Variants in NCOR2 observed in about 807,000 individuals in gnomAD.
NCOR2 encodes the protein CTG repeat protein 26.
NCOR2 carries 81 observed loss-of-function variants against 262.9 expected under a neutral mutation model. The ratio of observed to expected loss-of-function variants is 0.31; its 90% CI spans 0.26 to 0.37. The LOEUF (loss-of-function observed/expected upper bound fraction) is 0.37. Ranked by LOEUF, NCOR2 falls within the 10% of genes least tolerant of loss-of-function variation. The pLI, the probability that NCOR2 is intolerant of heterozygous loss-of-function variation, is 1.00. For missense variants in NCOR2, 3,385 were observed against 3,621.4 expected, an observed-to-expected ratio of 0.93 and a Z score of 1.68; for synonymous variants, 1,659 against 1,559.3, an observed-to-expected ratio of 1.06 and a Z score of -1.51.
In NCOR2 at chr12:124,428,550, CAT is replaced by C. The variant is rs558370505; in HGVS notation, c.1149+1061_1149+1062del. 1.3e-3 allele frequency among the ~76,000 whole-genome samples: 202 copies of C among 152,282 alleles called. 2 individuals are homozygous for C. The highest frequency in any genetic ancestry group is 4.7e-3 in the African/African-American group (194 of 41,556). ...GCCGCCCCCTCCCTGGGGCCCCTTC[CAT>C]CTGTCTAATCTGAGCATCAGCATCG... On this transcript the variant is annotated intron_variant, in intron 10 of 46. Transcript: ENST00000405201.
At position 124,566,244 on chromosome 12, in the gene NCOR2, G is replaced by A. The variant is rs888012487; in HGVS notation, c.-165+1064C>T. On this transcript the variant is annotated intron_variant, in intron 1 of 32. Coordinates refer to the NCOR2 transcript ENST00000458234. The surrounding 1 kb of genome is among the most constrained non-coding windows in gnomAD (Gnocchi z 4.3). ...AGGAGGAGGGGGAGGAAGGGAGGAG[G>A]CTGAGCCGACAGAACAGATCCGCCC... Among the ~76,000 whole-genome samples, 1 of 152,204 alleles carries A rather than the reference G, an allele frequency of 6.6e-6. No homozygotes were observed.
chr12:124,416,712 A>C lies in NCOR2; in HGVS notation c.1482+3245T>G, dbSNP rs3825117. On this transcript the variant is annotated intron_variant, in intron 13 of 46. Transcript: ENST00000405201. ...AGGGAGTCCCCGCGGCACAGATAGA[A>C]CCCGCGGCACAGGGAGTCCCCGCGG... Among the ~76,000 whole-genome samples, 315 of 131,300 alleles carry C rather than the reference A, an allele frequency of 2.4e-3. 12 individuals are homozygous for C. The East Asian group carries it at 0.043, about 18-fold the overall frequency. 86.1% of individuals were successfully genotyped at this position (131,300 alleles called of 152,430 possible).
At chr12:124,327,335 G>A (rs1360139322) in intron 45 of NCOR2, 74 bp downstream of exon 47, 1 of 1,195,878 alleles carries the variant, frequency 8.4e-7, no homozygotes, top group Non-Finnish European at 1.2e-6. Flanking sequence ...GTTGTCAGAG[G>A]AGCGCGGAGG....
At chr12:124,410,694 C>T (rs1055047792) in intron 13 of NCOR2, among the ~76,000 whole-genome samples, 5 of 152,184 alleles carry the variant, frequency 3.3e-5, no homozygotes, top group Admixed American at 1.3e-4. Flanking sequence ...CCACCGGTCC[C>T]CACCATCAAG....
At chr12:124,464,999 C>G (rs1436033997) in intron 5 of NCOR2, among the ~76,000 whole-genome samples, 1 of 152,202 alleles carries the variant, frequency 6.6e-6, no homozygotes, top group Non-Finnish European at 1.5e-5. Context: ...ATCGCTGTTT[C>G]TAGAGGTGGA....
intron 1 of NCOR2, among the ~76,000 whole-genome samples, chr12:124,526,787 C>T (rs1407965949): frequency 6.6e-6 from 1 of 152,152 alleles, no homozygotes; most frequent in East Asian, 1.9e-4. Context: ...GAGGTGGCCC[C>T]CGCTCCCCAA....
intron 11 of NCOR2, among the ~76,000 whole-genome samples, chr12:124,423,307 G>A (rs932144665): frequency 2.0e-5 from 3 of 152,216 alleles, no homozygotes; most frequent in South Asian, 2.1e-4. Context: ...TCCCGGCGAC[G>A]TGCCACAGCC....
At position 124,457,044 on chromosome 12, in the gene NCOR2, C is replaced by A; in HGVS notation, c.762+62G>T. On this transcript the variant is annotated intron_variant, in intron 6 of 46. Transcript: ENST00000405201. The surrounding 1 kb of genome is among the most constrained non-coding windows in gnomAD (Gnocchi z 4.0). ...TCCTCCGCCGCACCCTCCCGCCTCCCTGCCCACCTCTCCAGCCACCCCCGC... is the reference window on the plus strand; with the variant it reads ...TCCTCCGCCGCACCCTCCCGCCTCCATGCCCACCTCTCCAGCCACCCCCGC... 1 of 1,051,784 alleles carries A rather than the reference C, an allele frequency of 9.5e-7. No homozygotes were observed. Among genetic ancestry groups the A allele is most frequent in the South Asian group, 1.6e-5 (1 of 62,554 alleles). The allele number at this position is 1,051,784 out of a possible 1,614,324, so 65.2% of individuals were successfully genotyped here. A position where few individuals can be genotyped will look rare whatever the true frequency, so the allele number is the denominator to read the frequency against.
chr12:124,552,678 G>A (rs994315787), intron 1 of NCOR2, among the ~76,000 whole-genome samples: 13 of 152,118 alleles, frequency 8.5e-5, no homozygotes, highest in African/African-American at 2.2e-4. Flanking sequence ...AAGTTTTTTC[G>A]GGGGGGTTAG....
chr12:124,551,745 AG>A (rs2051719944), intron 1 of NCOR2, among the ~76,000 whole-genome samples: 1 of 152,176 alleles, frequency 6.6e-6, no homozygotes, highest in Non-Finnish European at 1.5e-5. Context: ...TGCAGGCTTC[AG>A]GTTTCTGCAT....
chr12:124,499,414 G>A (rs1486236551), upstream of NCOR2, among the ~76,000 whole-genome samples: 1 of 152,264 alleles, frequency 6.6e-6, no homozygotes. Context: ...CGGGGTCCAG[G>A]CCCTGGAGGG....
intron 13 of NCOR2, among the ~76,000 whole-genome samples, chr12:124,415,707 G>T (rs1309741230): frequency 6.6e-6 from 1 of 152,212 alleles, no homozygotes; most frequent in East Asian, 1.9e-4. Flanking sequence ...TTCAGCAGGG[G>T]ATAAAAACTC....
chr12:124,333,452 A>AT lies in NCOR2; in HGVS notation c.6606-174dup, dbSNP rs894158367. ...TCTGGCATGTATCGTTATCATTTTT[A>AT]TTTTTTTTTTAAACAACCCTTTAAA... On this transcript the variant is annotated intron_variant, in intron 41 of 46. Transcript: ENST00000405201. Among the ~76,000 whole-genome samples the AT allele has an allele frequency of 1.5e-4, 23 of 149,842 alleles. No individual in the cohort carries two copies. In the South Asian group the frequency reaches 4.3e-3, roughly 28 times the overall value.
intron 5 of NCOR2, among the ~76,000 whole-genome samples, chr12:124,464,795 C>T (rs150741402): frequency 3.3e-5 from 5 of 152,276 alleles, no homozygotes; most frequent in African/African-American, 4.8e-5. Flanking sequence ...TTAAGTACAA[C>T]GCTCCAGGGT....
At chr12:124,393,774 CAG>C (rs1433641748) in intron 16 of NCOR2, among the ~76,000 whole-genome samples, 2 of 152,268 alleles carry the variant, frequency 1.3e-5, no homozygotes, top group Admixed American at 6.5e-5. Flanking sequence ...ATTTGAATAA[CAG>C]AAGTATTAAC....
chr12:124,433,110 C>T (rs1278197606), intron 8 of NCOR2, among the ~76,000 whole-genome samples: 2 of 152,178 alleles, frequency 1.3e-5, no homozygotes, highest in African/African-American at 4.8e-5. Flanking sequence ...TCGACAGCCC[C>T]GTGACCATGA....
At chr12:124,327,356 A>G in intron 45 of NCOR2, 53 bp downstream of exon 47, 2 of 1,376,386 alleles carry the variant, frequency 1.5e-6, no homozygotes, top group Non-Finnish European at 2.0e-6. Flanking sequence ...AGCGAGGATT[A>G]ATCACACCGG....
At chr12:124,567,348 G>C (rs2052283239) in exon 1 of NCOR2, 1 of 151,660 alleles carries the variant, frequency 6.6e-6, no homozygotes, top group Non-Finnish European at 1.5e-5. Context: ...CTTGGGGCGC[G>C]CTCGGGCCGC....
At chr12:124,324,697 A>G (rs1395171510) in exon 47 of NCOR2, 1 of 152,470 alleles carries the variant, frequency 6.6e-6, no homozygotes, top group Non-Finnish European at 1.5e-5. Context: ...AAAACATCTG[A>G]ATTAATTCAT....
Sources: allele counts gnomAD v4.1 joint callset (sites outside exome capture counted in the v4.1 genomes callset), GRCh38; gene constraint gnomAD v4.1.1; non-coding constraint Gnocchi (gnomAD v3.1); transcripts MANE v1.5; gene names NCBI Gene and HGNC (gene_info 2026-07-23, HGNC 2026-07-21).